The following PCDHGA1 variants were observed in gnomAD, a reference collection of about 807,000 sequenced individuals.
PCDHGA1 encodes the protein protocadherin gamma-A1.
In PCDHGA1, 32 loss-of-function variants were observed where a neutral mutation model predicts 58.0. That is an observed-to-expected ratio of 0.55 (90% confidence interval 0.42 to 0.74). PCDHGA1 has a LOEUF of 0.74. Among genes scored for constraint, PCDHGA1 ranks in the 30% least tolerant of loss-of-function variants. PCDHGA1 has a pLI of 0.00. For synonymous variants in PCDHGA1, 498 were observed against 501.1 expected, an observed-to-expected ratio of 0.99 and a Z score of 0.08; for missense variants, 1,205 against 1,182.3, an observed-to-expected ratio of 1.02 and a Z score of -0.28.
intron 1 of PCDHGA1, chr5:141,394,415 C>G: frequency 6.2e-7 from 1 of 1,614,242 alleles, no homozygotes; most frequent in Non-Finnish European, 8.5e-7. Flanking sequence ...TGGTAACAGC[C>G]AGCGACAGCG....
chr5:141,500,114 G>A (rs72790070), intron 2 of PCDHGA1, among the ~76,000 whole-genome samples: 10,550 of 151,670 alleles, frequency 0.07, 640 homozygotes, highest in African/African-American at 0.16. Flanking sequence ...TTGAATCCCT[G>A]CCTTTTCATA....
chr5:141,389,205 G>A, intron 1 of PCDHGA1: 1 of 1,614,040 alleles, frequency 6.2e-7, no homozygotes, highest in Non-Finnish European at 8.5e-7. Flanking sequence ...CCTGCACATT[G>A]GTGATGTAAA....
intron 1 of PCDHGA1, chr5:141,414,585 C>CA: frequency 6.2e-7 from 1 of 1,613,968 alleles, no homozygotes; most frequent in East Asian, 2.2e-5. Flanking sequence ...AGAACAACGC[C>CA]AGGGGTGCCT....
intron 1 of PCDHGA1, chr5:141,370,790 C>G: frequency 6.2e-7 from 1 of 1,614,040 alleles, no homozygotes; most frequent in East Asian, 2.2e-5. Context: ...ACCCACCGAC[C>G]TTTAGCCAAA....
rs900884760 is a variant in PCDHGA1, at chr5:141,414,031, C to T, written c.2422-80776C>T. ...CAATGGAGAAGTGACATATTCATTC[C>T]GAAAATTACCTGACACGCAATTGTT... On this transcript the variant is annotated intron_variant, in intron 1 of 3. Coordinates refer to ENST00000517417, the MANE Select transcript of PCDHGA1 (RefSeq NM_018912.3). 4 of 1,611,858 alleles carry T rather than the reference C, an allele frequency of 2.5e-6. No homozygotes were observed. The Admixed American group carries it at 6.7e-5, about 27-fold the overall frequency.
intron 1 of PCDHGA1, chr5:141,365,288 G>A (rs1293975471): frequency 6.2e-7 from 1 of 1,613,960 alleles, no homozygotes; most frequent in Non-Finnish European, 8.5e-7. Context: ...CATGGAAGTG[G>A]TAGCTCAGGA....
Position 141,490,629 on chromosome 5 carries a change from C to T in PCDHGA1, c.2422-4178C>T, listed in dbSNP as rs1174984711. 1.2e-6 allele frequency: 2 copies of T among 1,614,214 alleles called. No individual in the cohort carries two copies. Among genetic ancestry groups the T allele is most frequent in the East Asian group, 2.2e-5 (1 of 44,882 alleles). On this transcript the variant is annotated intron_variant, in intron 1 of 3. Coordinates refer to ENST00000517417, the MANE Select transcript of PCDHGA1 (RefSeq NM_018912.3). This position sits in a 1 kb window ranked among gnomAD's most constrained non-coding sequence, Gnocchi z 5.4. ...ACCAGCAGCTTTACACTGCTTACAT[C>T]CTAGAAAACCGGCCTCCGGGCTCCC...
intron 1 of PCDHGA1, chr5:141,400,570 T>C: frequency 6.2e-7 from 1 of 1,612,974 alleles, no homozygotes; most frequent in Non-Finnish European, 8.5e-7. Context: ...CACCCAATTT[T>C]CTGTATTTAC....
chr5:141,427,881 C>A, intron 1 of PCDHGA1: 1 of 1,563,720 alleles, frequency 6.4e-7, no homozygotes, highest in African/African-American at 1.3e-5. Context: ...GATGCAGGCC[C>A]ACGACCAGGG....
At position 141,431,140 on chromosome 5, in the gene PCDHGA1, C is replaced by T. The variant is rs145692116; in HGVS notation, c.2422-63667C>T. 2.4e-5 allele frequency: 38 copies of T among 1,614,208 alleles called. No individual in the cohort carries two copies. Among genetic ancestry groups the T allele is most frequent in the Admixed American group, 3.3e-5 (2 of 60,038 alleles). On this transcript the variant is annotated intron_variant, in intron 1 of 3. Coordinates refer to ENST00000517417, the MANE Select transcript of PCDHGA1 (RefSeq NM_018912.3). This position sits in a 1 kb window ranked among gnomAD's most constrained non-coding sequence, Gnocchi z 4.8. ...TAGAAGTAGAAGTAAGGGACATTAA[C>T]GACAATGCGCCTTACTTTCGTGAAA...
chr5:141,400,067 A>G lies in PCDHGA1; in HGVS notation c.2421+66962A>G, dbSNP rs761746196. On this transcript the variant is annotated intron_variant, in intron 1 of 3. Coordinates refer to ENST00000517417, the MANE Select transcript of PCDHGA1 (RefSeq NM_018912.3). ...CTGGTTGCTGTGCGTGATGGTGGAC[A>G]GCCGCCACTCTCCGCCACCGCCACG... is the stretch of plus-strand genomic sequence containing the variant. 1.3e-5 allele frequency: 21 copies of G among 1,613,654 alleles called. No individual in the cohort carries two copies. The highest frequency in any genetic ancestry group is 1.7e-4 in the Middle Eastern group (1 of 5,998).
intron 1 of PCDHGA1, among the ~76,000 whole-genome samples, chr5:141,379,887 CTCTTTTTTTTTTT>C (rs1775930082): frequency 1.2e-5 from 1 of 84,268 alleles, no homozygotes; most frequent in African/African-American, 5.0e-5. Context: ...CTGTGAAAGC[CTCTTTTTTTTTTT>C]TTTTTTTTTT....
At chr5:141,501,583 T>C (rs1270487304) in intron 2 of PCDHGA1, among the ~76,000 whole-genome samples, 1 of 152,054 alleles carries the variant, frequency 6.6e-6, no homozygotes, top group Non-Finnish European at 1.5e-5. Context: ...GGCTTTCAGG[T>C]TGCAACTCTA....
At chr5:141,406,109 G>C (rs2094766123) in intron 1 of PCDHGA1, among the ~76,000 whole-genome samples, 1 of 144,746 alleles carries the variant, frequency 6.9e-6, no homozygotes, top group South Asian at 2.2e-4. Flanking sequence ...GTGTCATTCT[G>C]TTGTCCAGGG....
chr5:141,500,189 TTTA>T (rs780229863), intron 2 of PCDHGA1, among the ~76,000 whole-genome samples: 5,656 of 110,928 alleles, frequency 0.051, 122 homozygotes, highest in Middle Eastern at 0.14. Context: ...TTTATTTTTA[TTTA>T]TTTATTTATT....
intron 1 of PCDHGA1, chr5:141,418,984 C>T: frequency 6.2e-7 from 1 of 1,613,930 alleles, no homozygotes; most frequent in African/African-American, 1.3e-5. Flanking sequence ...GGGACCAAGA[C>T]TCAGGGGAAA....
At chr5:141,365,502 C>T (rs373907411) in intron 1 of PCDHGA1, 5 of 1,613,918 alleles carry the variant, frequency 3.1e-6, no homozygotes, top group East Asian at 2.2e-5. Context: ...AGGAATTTGC[C>T]TTTTAAATTG....
intron 1 of PCDHGA1, chr5:141,365,695 C>T: frequency 6.2e-7 from 1 of 1,613,656 alleles, no homozygotes; most frequent in Non-Finnish European, 8.5e-7. Context: ...TCCCTCAAGC[C>T]TCCTACTCCA....
chr5:141,424,232 C>A (rs182055138), intron 1 of PCDHGA1: 1 of 158,642 alleles, frequency 6.3e-6, no homozygotes, highest in East Asian at 1.9e-4. Context: ...TATTTTGATT[C>A]TTGGTGGCTG....
Sources: allele counts gnomAD v4.1 joint callset (sites outside exome capture counted in the v4.1 genomes callset), GRCh38; gene constraint gnomAD v4.1.1; non-coding constraint Gnocchi (gnomAD v3.1); transcripts MANE v1.5; gene names NCBI Gene and HGNC (gene_info 2026-07-23, HGNC 2026-07-21).